The following XYLT1 variants were observed in gnomAD, a reference collection of about 807,000 sequenced individuals.
XYLT1 encodes beta-D-xylosyltransferase 1.
XYLT1 carries 36 observed loss-of-function variants against 91.3 expected under a neutral mutation model. The ratio of observed to expected loss-of-function variants is 0.39; its 90% confidence interval spans 0.30 to 0.52. The LOEUF (loss-of-function observed/expected upper bound fraction) is 0.52, where lower values mean the gene tolerates loss of function less well. Among genes scored for constraint, XYLT1 ranks in the 20% least tolerant of loss-of-function variants. The pLI is 0.68. For missense variants in XYLT1, 1,242 were observed against 1,284.5 expected, an observed-to-expected ratio of 0.97 and a Z score of 0.51; for synonymous variants, 588 against 532.0, an observed-to-expected ratio of 1.11 and a Z score of -1.45.
At chr16:17,468,442 A>G (rs2036929458) in intron 1 of XYLT1, among the ~76,000 whole-genome samples, 1 of 152,156 alleles carries the variant, frequency 6.6e-6, no homozygotes, top group African/African-American at 2.4e-5. Context: ...ATTTGGGGAG[A>G]GTAACTGAAC....
chr16:17,126,560 A>G (rs2030266707), intron 10 of XYLT1, among the ~76,000 whole-genome samples: 1 of 152,226 alleles, frequency 6.6e-6, no homozygotes, highest in Admixed American at 6.5e-5. Flanking sequence ...CACAGAAGCT[A>G]GAGAAGGACT....
chr16:17,321,084 T>C (rs534348227), intron 2 of XYLT1, among the ~76,000 whole-genome samples: 4 of 152,028 alleles, frequency 2.6e-5, no homozygotes, highest in Admixed American at 6.6e-5. Context: ...CTGAGGCCCA[T>C]TGGAATCACC....
intron 5 of XYLT1, among the ~76,000 whole-genome samples, chr16:17,164,571 C>T (rs1458689092): frequency 1.3e-5 from 2 of 152,142 alleles, no homozygotes; most frequent in African/African-American, 2.4e-5. Context: ...ATTCTACTTC[C>T]TCTCTGCTAT....
At chr16:17,367,812 C>G (rs2035474630) in intron 1 of XYLT1, among the ~76,000 whole-genome samples, 1 of 152,152 alleles carries the variant, frequency 6.6e-6, no homozygotes, top group Admixed American at 6.5e-5. Flanking sequence ...CGTCCCTGAC[C>G]TGAATCAAAC....
At chr16:17,322,375 A>G (rs1791237921) in intron 2 of XYLT1, among the ~76,000 whole-genome samples, 1 of 152,188 alleles carries the variant, frequency 6.6e-6, no homozygotes, top group African/African-American at 2.4e-5. Context: ...ACTAGATAAT[A>G]TAATCATCAT....
Position 17,470,718 on chromosome 16 carries a change from G to A in XYLT1, c.79C>T (p.Leu27=). The A allele has an allele frequency of 8.7e-7, 1 of 1,154,086 alleles. No homozygotes were observed. The highest frequency in any genetic ancestry group is 1.1e-6 in the Non-Finnish European group (1 of 920,386). The allele number at this position is 1,154,086 out of a possible 1,614,324, so 71.5% of individuals were successfully genotyped here. The change falls in exon 1 of 12, where the codon CTG becomes TTG. Residue 27 remains leucine (L), a synonymous_variant. Transcript: ENST00000261381. ...ALLAALTVLL[L]QTLVVWNFSS... is the part of the protein sequence containing the mutation. ...AAATTCCACACGACCAGCGTCTGCA[G>A]CAGCAGCACCGTGAGCGCCGCGAGC... is the stretch of plus-strand genomic sequence containing the variant.
chr16:17,115,312 T>TAAAA (rs869095502), intron 11 of XYLT1, among the ~76,000 whole-genome samples: 954 of 48,734 alleles, frequency 0.02, 67 homozygotes, highest in Middle Eastern at 0.071. Context: ...CAAAAATAGT[T>TAAAA]AAAAAAAAAA....
chr16:17,302,402 G>A (rs12449229), intron 2 of XYLT1, among the ~76,000 whole-genome samples: 14,265 of 152,182 alleles, frequency 0.094, 922 homozygotes, highest in South Asian at 0.21. Flanking sequence ...AAGCTGCAAA[G>A]CCTGCTGGTC....
At chr16:17,135,657 G>T (rs1168139187) in intron 8 of XYLT1, among the ~76,000 whole-genome samples, 1 of 152,078 alleles carries the variant, frequency 6.6e-6, no homozygotes, top group Non-Finnish European at 1.5e-5. Flanking sequence ...GCCCAGAGAT[G>T]GTAAGGGACT....
chr16:17,287,187 C>T (rs569515000), intron 2 of XYLT1, among the ~76,000 whole-genome samples: 1 of 152,200 alleles, frequency 6.6e-6, no homozygotes, highest in South Asian at 2.1e-4. Context: ...AAACCCAGGC[C>T]TGGCGTGGAT....
chr16:17,470,391 C>G, intron 1 of XYLT1, 43 bp downstream of exon 1: 1 of 1,218,654 alleles, frequency 8.2e-7, no homozygotes, highest in Non-Finnish European at 1.0e-6. Flanking sequence ...GGCTGCCTTC[C>G]TCCCTCCCTC....
In XYLT1 at chr16:17,449,219, G is replaced by C. The variant is rs148831138; in HGVS notation, c.363+21215C>G. On this transcript the variant is annotated intron_variant, in intron 1 of 11. Transcript: ENST00000261381. Reference sequence around the variant, plus strand: ...TCTCCTGCTGCCCCAGGCCAGCTGAGCAGGCCAAAGGAGGGCTGGGGCCAA... The same window carrying C: ...TCTCCTGCTGCCCCAGGCCAGCTGACCAGGCCAAAGGAGGGCTGGGGCCAA... Among the ~76,000 whole-genome samples, 252 of 152,356 alleles carry C rather than the reference G, an allele frequency of 1.7e-3. 1 individual carries two copies. The highest frequency in any genetic ancestry group is 3.7e-3 in the Admixed American group (57 of 15,304).
chr16:17,427,441 C>T (rs1268408988), intron 1 of XYLT1, among the ~76,000 whole-genome samples: 3 of 152,184 alleles, frequency 2.0e-5, no homozygotes, highest in Non-Finnish European at 4.4e-5. Flanking sequence ...TACAAGTGTG[C>T]ACCGCCGCAC....
At chr16:17,163,623 T>C (rs1289614582) in intron 5 of XYLT1, among the ~76,000 whole-genome samples, 1 of 152,176 alleles carries the variant, frequency 6.6e-6, no homozygotes, top group Non-Finnish European at 1.5e-5. Context: ...AAGCCAAAGT[T>C]ATACGCAGGA....
intron 7 of XYLT1, among the ~76,000 whole-genome samples, chr16:17,139,227 A>AAAT (rs1188052387): frequency 2.6e-5 from 4 of 152,220 alleles, no homozygotes; most frequent in Non-Finnish European, 5.9e-5. Context: ...AGTCCCAGGC[A>AAAT]AATATATTTC....
At chr16:17,365,295 G>A (rs879832938) in intron 1 of XYLT1, among the ~76,000 whole-genome samples, 16 of 152,208 alleles carry the variant, frequency 1.1e-4, no homozygotes, top group Admixed American at 7.8e-4. Flanking sequence ...GTTGCATAAC[G>A]GGGCTTTCTC....
At chr16:17,200,718 G>A (rs2032525899) in intron 3 of XYLT1, 64 bp from the exon 4 acceptor site, 1 of 1,572,284 alleles carries the variant, frequency 6.4e-7, no homozygotes, top group Non-Finnish European at 8.7e-7. Flanking sequence ...GCAGGGGTGG[G>A]AAGTTTCTCT....
At chr16:17,311,337 G>T (rs146811561) in intron 2 of XYLT1, among the ~76,000 whole-genome samples, 5 of 152,146 alleles carry the variant, frequency 3.3e-5, no homozygotes, top group African/African-American at 1.2e-4. Flanking sequence ...GAGCAGCCTC[G>T]TGGGCTGCTC....
intron 2 of XYLT1, chr16:17,338,570 T>C (rs4782002): frequency 0.39 from 174,285 of 451,550 alleles, 36,039 homozygotes; most frequent in Admixed American, 0.62. Flanking sequence ...CTGTTCTCTG[T>C]CGGGAATGGT....
Sources: gnomAD v4.1 joint callset for allele counts (sites outside exome capture counted in the v4.1 genomes callset) on GRCh38, gnomAD v4.1.1 for gene constraint, MANE v1.5 for transcripts, NCBI Gene and HGNC (gene_info 2026-07-23, HGNC 2026-07-21) for gene names.